LRRC7: variants seen among roughly 807,000 people sequenced by gnomAD.
The protein encoded by LRRC7 is leucine rich repeat containing 7, also known as leucine-rich repeat-containing protein 7.
Under a neutral mutation model 175.7 loss-of-function variants are expected in LRRC7, and 23 were observed. That is an observed-to-expected ratio of 0.13 (90% CI 0.09 to 0.19). LRRC7 has a LOEUF of 0.19. Among genes scored for constraint, LRRC7 ranks in the 10% least tolerant of loss-of-function variants. The pLI is 1.00. For synonymous variants in LRRC7, 685 were observed against 680.9 expected (o/e 1.01, Z -0.09); for missense variants, 1,354 against 1,904.7 (o/e 0.71, Z 5.38).
At position 69,680,020 on chromosome 1, in the gene LRRC7, A is replaced by C. The variant is rs191482326; in HGVS notation, c.100+1542A>C. Among the ~76,000 whole-genome samples, 9 of 152,290 alleles carry C rather than the reference A, an allele frequency of 5.9e-5. No homozygotes were observed. The East Asian group carries it at 1.7e-3, about 29-fold the overall frequency. ...TAGTTGTGACAGAGACCATATGCCC[A>C]CAAAACCTAAAATATTTACCTGGGT... On this transcript the variant is annotated intron_variant, in intron 2 of 26. Coordinates refer to ENST00000651989, the MANE Select transcript of LRRC7 (RefSeq NM_001370785.2).
chr1:69,750,828 A>G lies in LRRC7; in HGVS notation c.101-9363A>G, dbSNP rs115913101. Among the ~76,000 whole-genome samples, 1,275 of 152,312 alleles carry G rather than the reference A, an allele frequency of 8.4e-3. 13 individuals are homozygous for G. The highest frequency in any genetic ancestry group is 0.029 in the African/African-American group (1,225 of 41,566). Reference sequence around the variant, plus strand: ...ATCCATTCATGAGGGCGGGGTCTTCATGACTTAGTCACTTCTCAGAAGGCC... The same window carrying G: ...ATCCATTCATGAGGGCGGGGTCTTCGTGACTTAGTCACTTCTCAGAAGGCC... On this transcript the variant is annotated intron_variant, in intron 2 of 26. Transcript: ENST00000651989.
Position 69,717,841 on chromosome 1 carries a change from A to AGAAAGG in LRRC7, c.100+39363_100+39364insGAAAGG, listed in dbSNP as rs754934916. Among the ~76,000 whole-genome samples, 16 of 19,320 alleles carry AGAAAGG rather than the reference A, an allele frequency of 8.3e-4. No homozygotes were observed. The East Asian group carries it at 0.012, about 14-fold the overall frequency. 12.7% of individuals were successfully genotyped at this position (19,320 alleles called of 152,430 possible). ...AAGAAAGAAAGAAAGAAAGAAAGAAAAAAGAAAGAAAGGAAAGAAAGAAAG... is the reference window on the plus strand; with the variant it reads ...AAGAAAGAAAGAAAGAAAGAAAGAAAGAAAGGAAAGAAAGAAAGGAAAGAAAGAAAG... On this transcript the variant is annotated intron_variant, in intron 2 of 26. Transcript: ENST00000651989.
At chr1:69,972,935 T>G (rs181269472) in intron 8 of LRRC7, among the ~76,000 whole-genome samples, 2,056 of 146,602 alleles carry the variant, frequency 0.014, 41 homozygotes, top group African/African-American at 0.047. Flanking sequence ...AATATATATA[T>G]TTATATATAT....
At chr1:69,690,154 G>A (rs1168467335) in intron 2 of LRRC7, among the ~76,000 whole-genome samples, 1 of 152,122 alleles carries the variant, frequency 6.6e-6, no homozygotes, top group Non-Finnish European at 1.5e-5. Flanking sequence ...AACCCTTCCT[G>A]AGATGCTACA....
At position 69,684,979 on chromosome 1, in the gene LRRC7, A is replaced by G. The variant is rs573782691; in HGVS notation, c.100+6501A>G. On this transcript the variant is annotated intron_variant, in intron 2 of 26. Transcript: ENST00000651989. ...CAGCAGTAAAGCCCTGTGTCTTCCT[A>G]TCTTTCACCCAGTGTCATAAAGAGA... 3.1e-3 allele frequency among the ~76,000 whole-genome samples: 478 copies of G among 152,286 alleles called. 2 individuals carry two copies. Among genetic ancestry groups the G allele is most frequent in the South Asian group, 0.029 (138 of 4,822 alleles).
intron 8 of LRRC7, among the ~76,000 whole-genome samples, chr1:69,976,022 A>G (rs1156441205): frequency 1.3e-5 from 2 of 151,084 alleles, no homozygotes; most frequent in African/African-American, 2.4e-5. Context: ...CTCTCCTCTC[A>G]TTCAGGCTTT....
At chr1:69,741,231 T>A (rs563091208) in intron 2 of LRRC7, among the ~76,000 whole-genome samples, 80 of 151,922 alleles carry the variant, frequency 5.3e-4, no homozygotes, top group Admixed American at 2.2e-3. Flanking sequence ...TTAAATTTTT[T>A]AAAAAAAAGT....
chr1:69,927,174 T>C (rs1363121997), intron 7 of LRRC7, among the ~76,000 whole-genome samples: 1 of 152,356 alleles, frequency 6.6e-6, no homozygotes, highest in East Asian at 1.9e-4. Flanking sequence ...TGCCAAGAGA[T>C]CCCATGTTAG....
intron 8 of LRRC7, among the ~76,000 whole-genome samples, chr1:69,939,330 G>T (rs1222178656): frequency 6.6e-6 from 1 of 151,934 alleles, no homozygotes; most frequent in Non-Finnish European, 1.5e-5. Flanking sequence ...GCTAGTGCTG[G>T]TGTCTCTGAC....
chr1:69,890,728 A>G (rs762758698), intron 7 of LRRC7, among the ~76,000 whole-genome samples: 1 of 152,212 alleles, frequency 6.6e-6, no homozygotes, highest in Non-Finnish European at 1.5e-5. Context: ...AGCCACCTTC[A>G]TTAATTATCT....
At chr1:69,817,070 G>A (rs1570110239) in intron 4 of LRRC7, among the ~76,000 whole-genome samples, 2 of 151,850 alleles carry the variant, frequency 1.3e-5, no homozygotes, top group African/African-American at 4.8e-5. Flanking sequence ...TTATATGTAT[G>A]TAGGTTTTGC....
intron 7 of LRRC7, among the ~76,000 whole-genome samples, chr1:69,844,370 C>T (rs1472830085): frequency 1.3e-5 from 2 of 152,072 alleles, no homozygotes; most frequent in South Asian, 2.1e-4. Flanking sequence ...TCCCCTCAGC[C>T]CCTGGCAGCC....
In LRRC7 at chr1:69,737,474, G is replaced by C. The variant is rs186663253; in HGVS notation, c.101-22717G>C. Among the ~76,000 whole-genome samples, 4 of 152,096 alleles carry C rather than the reference G, an allele frequency of 2.6e-5. No individual in the cohort carries two copies. In the East Asian group the frequency reaches 5.8e-4, roughly 22 times the overall value. ...TCTCTTTTTCTTTATAAATTACCCA[G>C]TCTCAGGTATTTCTTCATAGCAATA... On this transcript the variant is annotated intron_variant, in intron 2 of 26. Transcript: ENST00000651989.
intron 2 of LRRC7, among the ~76,000 whole-genome samples, chr1:69,730,937 T>A (rs1383285284): frequency 6.6e-6 from 1 of 151,912 alleles, no homozygotes; most frequent in African/African-American, 2.4e-5. Flanking sequence ...AGAAGGGGAA[T>A]CAAGAATATC....
At position 69,726,475 on chromosome 1, in the gene LRRC7, T is replaced by C. The variant is rs115152948; in HGVS notation, c.101-33716T>C. On this transcript the variant is annotated intron_variant, in intron 2 of 26. Coordinates refer to ENST00000651989, the MANE Select transcript of LRRC7 (RefSeq NM_001370785.2). ...GCACCACTGGTCATAGTGTAAAGGA[T>C]GGATTGAGGGAGATTATGGAAGAAG... 8.7e-3 allele frequency among the ~76,000 whole-genome samples: 1,317 copies of C among 152,132 alleles called. 13 individuals are homozygous for C. Among genetic ancestry groups the C allele is most frequent in the African/African-American group, 0.03 (1,257 of 41,492 alleles).
intron 9 of LRRC7, among the ~76,000 whole-genome samples, chr1:69,980,947 A>T (rs1653362508): frequency 6.6e-6 from 1 of 152,198 alleles, no homozygotes; most frequent in Non-Finnish European, 1.5e-5. Context: ...ATACAGTATT[A>T]AAAACAGAAA....
intron 7 of LRRC7, among the ~76,000 whole-genome samples, chr1:69,847,395 G>C (rs998635825): frequency 6.6e-6 from 1 of 152,070 alleles, no homozygotes; most frequent in African/African-American, 2.4e-5. Flanking sequence ...GTGCTGATGA[G>C]CAGCAAACAT....
intron 11 of LRRC7, among the ~76,000 whole-genome samples, chr1:69,997,357 T>C (rs1655086870): frequency 6.6e-6 from 1 of 150,922 alleles, no homozygotes; most frequent in Admixed American, 6.6e-5. Context: ...CAGGGACAAT[T>C]TGACTTCCTC....
chr1:70,078,810 G>GCGCA (rs1553200896), intron 24 of LRRC7, among the ~76,000 whole-genome samples: 18 of 141,210 alleles, frequency 1.3e-4, no homozygotes, highest in East Asian at 2.3e-4. Flanking sequence ...GCGCGCGCGC[G>GCGCA]CACACACACA....
Sources: allele counts gnomAD v4.1 joint callset (sites outside exome capture counted in the v4.1 genomes callset), GRCh38; gene constraint gnomAD v4.1.1; transcripts MANE v1.5; gene names NCBI Gene and HGNC (gene_info 2026-07-23, HGNC 2026-07-21).